The following CELF4 variants were observed in gnomAD, a reference collection of about 807,000 sequenced individuals.
CELF4 encodes CUG-BP- and ETR-3-like factor 4.
Under a neutral mutation model 59.9 loss-of-function variants are expected in CELF4, and 18 were observed. That is an observed-to-expected ratio of 0.30 (90% CI 0.21 to 0.45). CELF4 has a LOEUF of 0.45. Ranked by LOEUF, CELF4 falls within the 20% of genes least tolerant of loss-of-function variation. The pLI is 1.00. For missense variants in CELF4, 456 were observed against 689.0 expected, an observed-to-expected ratio of 0.66 and a Z score of 3.79; for synonymous variants, 261 against 267.1, an observed-to-expected ratio of 0.98 and a Z score of 0.22.
intron 2 of CELF4, among the ~76,000 whole-genome samples, chr18:37,377,399 G>A (rs2098983550): frequency 6.6e-6 from 1 of 152,188 alleles, no homozygotes; most frequent in South Asian, 2.1e-4. Flanking sequence ...AGAAACAGAA[G>A]GAAGAAAATC....
At chr18:37,464,669 A>G (rs1472836049) in intron 2 of CELF4, among the ~76,000 whole-genome samples, 1 of 151,794 alleles carries the variant, frequency 6.6e-6, no homozygotes, top group African/African-American at 2.4e-5. Context: ...AGCCCCTGGC[A>G]CTCTGTGGGT....
At chr18:37,315,549 G>C (rs1424805303) in intron 3 of CELF4, among the ~76,000 whole-genome samples, 1 of 152,108 alleles carries the variant, frequency 6.6e-6, no homozygotes, top group Non-Finnish European at 1.5e-5. Context: ...CATCACACTG[G>C]GGTTTAGCCA....
At chr18:37,510,939 C>T (rs2099943596) in intron 1 of CELF4, among the ~76,000 whole-genome samples, 2 of 152,288 alleles carry the variant, frequency 1.3e-5, no homozygotes, top group Admixed American at 1.3e-4. Flanking sequence ...GTTTTCTGTT[C>T]CATAGAGTAA....
chr18:37,536,694 C>G (rs984916018), intron 1 of CELF4, among the ~76,000 whole-genome samples: 1 of 152,100 alleles, frequency 6.6e-6, no homozygotes, highest in Admixed American at 6.5e-5. Flanking sequence ...GGCCCCAGTC[C>G]CCAGGCAGCA....
rs1221991257 is a variant in CELF4 at position 37,244,595 on chromosome 18, A to C, written c.*647T>G. ...TTTTTTGTTTTTTGTTTTTTTTTTA[A>C]TTTTTTATTACATTTTTTCATAGAA... On this transcript the variant is annotated 3_prime_UTR_variant, in exon 13 of 13. Transcript: ENST00000420428. 1 of 151,336 alleles carries C rather than the reference A, an allele frequency of 6.6e-6. No homozygotes were observed. The highest frequency in any genetic ancestry group is 2.4e-5 in the African/African-American group (1 of 41,030). The allele number at this position is 151,336 out of a possible 1,614,324, so 9.4% of individuals were successfully genotyped here. A position where few individuals can be genotyped will look rare whatever the true frequency, so the allele number is the denominator to read the frequency against.
intron 1 of CELF4, among the ~76,000 whole-genome samples, chr18:37,551,045 C>T (rs879911626): frequency 8.5e-5 from 13 of 152,090 alleles, no homozygotes; most frequent in Non-Finnish European, 1.6e-4. Flanking sequence ...GGTTTGGTGG[C>T]CTGGGGGTTG....
intron 1 of CELF4, among the ~76,000 whole-genome samples, chr18:37,525,198 A>G (rs1163326753): frequency 6.6e-6 from 1 of 152,058 alleles, no homozygotes; most frequent in Non-Finnish European, 1.5e-5. Flanking sequence ...GCCCGGCTGG[A>G]GGGACGGTGG....
intron 2 of CELF4, among the ~76,000 whole-genome samples, chr18:37,444,652 A>ACACACACACGCG (rs71168259): frequency 6.9e-6 from 1 of 144,184 alleles, no homozygotes; most frequent in African/African-American, 2.6e-5. Flanking sequence ...ACACACACAC[A>ACACACACACGCG]CGCGAACGAT....
chr18:37,515,989 A>C lies in CELF4; in HGVS notation c.287-30382T>G, dbSNP rs17750421. ...CTGGGTGCATGGAGGCACTTGATGC[A>C]CTTTGGTGGAGTGAGTGAGTGAGTG... On this transcript the variant is annotated intron_variant, in intron 1 of 12. Coordinates refer to ENST00000420428, the MANE Select transcript of CELF4 (RefSeq NM_020180.4). Among the ~76,000 whole-genome samples the C allele has an allele frequency of 2.3e-3, 349 of 152,268 alleles. 10 individuals carry two copies. The East Asian group carries it at 0.055, about 24-fold the overall frequency.
intron 2 of CELF4, among the ~76,000 whole-genome samples, chr18:37,390,804 G>GAGGT (rs759387784): frequency 3.0e-5 from 2 of 66,368 alleles, no homozygotes; most frequent in African/African-American, 1.2e-4. Context: ...TGATGGGGCG[G>GAGGT]GGAGGGGGGG....
intron 2 of CELF4, among the ~76,000 whole-genome samples, chr18:37,351,406 C>T (rs950993889): frequency 3.9e-5 from 6 of 152,138 alleles, no homozygotes; most frequent in South Asian, 2.1e-4. Flanking sequence ...TTCAGGCCCA[C>T]GGGCCCAACG....
At chr18:37,412,951 C>T (rs2099486971) in intron 2 of CELF4, among the ~76,000 whole-genome samples, 1 of 152,036 alleles carries the variant, frequency 6.6e-6, no homozygotes, top group Non-Finnish European at 1.5e-5. Flanking sequence ...TAATGATACT[C>T]ACTGCCTGCT....
chr18:37,253,715 C>T lies in CELF4; in HGVS notation c.*44+52G>A. 2 of 1,381,096 alleles carry T rather than the reference C, an allele frequency of 1.4e-6. No individual in the cohort carries two copies. The highest frequency in any genetic ancestry group is 2.7e-5 in the East Asian group (1 of 37,354). 85.6% of individuals were successfully genotyped at this position (1,381,096 alleles called of 1,614,324 possible). A position where few individuals can be genotyped will look rare whatever the true frequency, so the allele number is the denominator to read the frequency against. The stretch of plus-strand genomic sequence containing the variant: ...CGGAGGCCGGAGGAGGCGGCGGGTC[C>T]GTCTGGTTCCCTCCCAACCCCCGTC... On this transcript the variant is annotated intron_variant, in intron 12 of 12. Coordinates refer to ENST00000420428, the MANE Select transcript of CELF4 (RefSeq NM_020180.4). The surrounding 1 kb of genome is among the most constrained non-coding windows in gnomAD (Gnocchi z 4.5).
rs960266361 is a variant in CELF4, at chr18:37,264,899, C to T, written c.1166-142G>A. On this transcript the variant is annotated intron_variant, in intron 9 of 12. Coordinates refer to ENST00000420428, the MANE Select transcript of CELF4 (RefSeq NM_020180.4). ...ACTCAGCCACTTAGGACAAAGCCAG[C>T]TTTCAGTTCCCAGACTAACAGAGGA... is the stretch of plus-strand genomic sequence containing the variant. 9.1e-6 allele frequency: 6 copies of T among 658,740 alleles called. No individual in the cohort carries two copies. In the East Asian group the frequency reaches 1.1e-4, roughly 12 times the overall value. The allele number at this position is 658,740 out of a possible 1,614,324, so 40.8% of individuals were successfully genotyped here.
intron 2 of CELF4, among the ~76,000 whole-genome samples, chr18:37,434,114 C>T (rs990330135): frequency 6.6e-5 from 10 of 152,170 alleles, no homozygotes; most frequent in East Asian, 1.9e-4. Context: ...GTTGGGGAGA[C>T]GGGAAGCTGC....
chr18:37,334,141 C>T (rs554736712), intron 2 of CELF4, among the ~76,000 whole-genome samples: 9 of 152,272 alleles, frequency 5.9e-5, no homozygotes, highest in African/African-American at 2.2e-4. Context: ...CATGGGGCGT[C>T]GTAATCCAGG....
chr18:37,279,641 G>C (rs2093870381), intron 3 of CELF4, among the ~76,000 whole-genome samples: 1 of 152,198 alleles, frequency 6.6e-6, no homozygotes, highest in South Asian at 2.1e-4. Context: ...CGTTGGAACT[G>C]GCATCTGGGT....
intron 3 of CELF4, among the ~76,000 whole-genome samples, chr18:37,293,065 G>A (rs1239586288): frequency 2.0e-5 from 3 of 152,226 alleles, no homozygotes; most frequent in African/African-American, 7.2e-5. Flanking sequence ...GGGTTGGGGT[G>A]AGAGAGGGGT....
At chr18:37,562,208 A>G (rs1364769354) in intron 1 of CELF4, among the ~76,000 whole-genome samples, 1 of 152,056 alleles carries the variant, frequency 6.6e-6, no homozygotes, top group African/African-American at 2.4e-5. Context: ...CAGACTCCCA[A>G]TTTGACTGGA....
Sources: allele counts gnomAD v4.1 joint callset (sites outside exome capture counted in the v4.1 genomes callset), GRCh38; gene constraint gnomAD v4.1.1; non-coding constraint Gnocchi (gnomAD v3.1); transcripts MANE v1.5; gene names NCBI Gene and HGNC (gene_info 2026-07-23, HGNC 2026-07-21).